The following NPAS3 variants were observed in gnomAD, a reference collection of about 807,000 sequenced individuals.
NPAS3 encodes neuronal PAS domain-containing protein 3.
A neutral mutation model predicts 73.1 loss-of-function variants in NPAS3; 14 were observed. The ratio of observed to expected loss-of-function variants is 0.19; its 90% confidence interval spans 0.13 to 0.30. The LOEUF (loss-of-function observed/expected upper bound fraction) is 0.30. Ranked by LOEUF, NPAS3 falls within the 10% of genes least tolerant of loss-of-function variation. The pLI, the probability that NPAS3 is intolerant of heterozygous loss-of-function variation, is 1.00. For missense variants in NPAS3, 1,096 were observed against 1,250.0 expected (o/e 0.88, Z 1.86); for synonymous variants, 620 against 541.5 (o/e 1.14, Z -2.01).
At chr14:33,799,280 G>T (rs2063608762) in intron 11 of NPAS3, among the ~76,000 whole-genome samples, 1 of 152,178 alleles carries the variant, frequency 6.6e-6, no homozygotes, top group Non-Finnish European at 1.5e-5. Flanking sequence ...AAGGGAAAAT[G>T]CAGACTCTTT....
At chr14:33,641,568 C>A (rs74666235) in intron 5 of NPAS3, among the ~76,000 whole-genome samples, 30,884 of 151,986 alleles carry the variant, frequency 0.2, 4,913 homozygotes, top group African/African-American at 0.45. Flanking sequence ...TTATTAACTT[C>A]ACAAGGAGAG....
At chr14:33,763,422 TG>T (rs1242698790) in intron 7 of NPAS3, among the ~76,000 whole-genome samples, 2 of 152,056 alleles carry the variant, frequency 1.3e-5, no homozygotes, top group Non-Finnish European at 2.9e-5. Context: ...TAGCAAAGAG[TG>T]TAAACTAAGA....
At chr14:33,382,537 G>A (rs909848156) in intron 4 of NPAS3, among the ~76,000 whole-genome samples, 2 of 152,070 alleles carry the variant, frequency 1.3e-5, no homozygotes, top group African/African-American at 2.4e-5. Context: ...TTTAGCTAGG[G>A]CGGGAAAAAT....
At chr14:33,367,375 T>G (rs1288151718) in intron 4 of NPAS3, 107 bp downstream of exon 4, 1 of 556,714 alleles carries the variant, frequency 1.8e-6, no homozygotes, top group African/African-American at 1.9e-5. Flanking sequence ...TATATTTGAC[T>G]GTTGTGATTT....
intron 4 of NPAS3, among the ~76,000 whole-genome samples, chr14:33,369,722 A>G (rs1159448102): frequency 6.6e-6 from 1 of 152,188 alleles, no homozygotes; most frequent in Admixed American, 6.5e-5. Context: ...GAACTACTAC[A>G]TAGTATTCTA....
chr14:33,158,319 G>A (rs2044722522), intron 2 of NPAS3, among the ~76,000 whole-genome samples: 2 of 152,150 alleles, frequency 1.3e-5, no homozygotes, highest in South Asian at 2.1e-4. Context: ...GTTTTAACAG[G>A]CCCCCCACAT....
intron 4 of NPAS3, among the ~76,000 whole-genome samples, chr14:33,382,128 TC>T (rs1402303594): frequency 6.6e-6 from 1 of 151,796 alleles, no homozygotes; most frequent in African/African-American, 2.4e-5. Flanking sequence ...AAAGTCATTT[TC>T]CCCCCAAAGA....
intron 2 of NPAS3, among the ~76,000 whole-genome samples, chr14:33,075,310 G>A (rs544354287): frequency 3.3e-5 from 5 of 152,206 alleles, no homozygotes; most frequent in Non-Finnish European, 5.9e-5. Flanking sequence ...ATCCTGAAAT[G>A]TAAGCGGATT....
intron 3 of NPAS3, among the ~76,000 whole-genome samples, chr14:33,284,896 A>G (rs1416777734): frequency 6.6e-6 from 1 of 152,100 alleles, no homozygotes; most frequent in Non-Finnish European, 1.5e-5. Flanking sequence ...ATAGAGGTGA[A>G]GTACCCCGCC....
At chr14:33,077,800 G>T (rs2041716541) in intron 2 of NPAS3, among the ~76,000 whole-genome samples, 10 of 21,928 alleles carry the variant, frequency 4.6e-4, no homozygotes, top group Non-Finnish European at 6.4e-4. Context: ...GCCCCTTTTG[G>T]CTTCAATTTA....
At chr14:33,643,112 G>A (rs960967289) in intron 5 of NPAS3, among the ~76,000 whole-genome samples, 7 of 152,092 alleles carry the variant, frequency 4.6e-5, no homozygotes, top group Admixed American at 2.6e-4. Context: ...TGCAGCCCTC[G>A]TGACTAGGAA....
chr14:33,546,399 G>A (rs528138756), intron 4 of NPAS3, among the ~76,000 whole-genome samples: 2 of 152,130 alleles, frequency 1.3e-5, no homozygotes, highest in African/African-American at 2.4e-5. Flanking sequence ...TGAATAATCC[G>A]TTCAAACTTC....
intron 4 of NPAS3, among the ~76,000 whole-genome samples, chr14:33,497,484 C>T (rs2052264182): frequency 6.6e-6 from 1 of 152,126 alleles, no homozygotes; most frequent in Non-Finnish European, 1.5e-5. Context: ...CGGCATGGTA[C>T]TGGTACCAAA....
At chr14:33,210,044 G>T (rs562161678) in intron 2 of NPAS3, among the ~76,000 whole-genome samples, 1 of 152,308 alleles carries the variant, frequency 6.6e-6, no homozygotes, top group East Asian at 1.9e-4. Context: ...TCTGTACTCT[G>T]TGGCTACCTA....
chr14:33,610,590 G>A (rs2057720121), intron 5 of NPAS3, among the ~76,000 whole-genome samples: 1 of 152,074 alleles, frequency 6.6e-6, no homozygotes, highest in African/African-American at 2.4e-5. Flanking sequence ...TTTAAAAAAT[G>A]AAACTCTTGG....
At chr14:33,667,170 T>C (rs892477580) in intron 5 of NPAS3, among the ~76,000 whole-genome samples, 18 of 151,614 alleles carry the variant, frequency 1.2e-4, no homozygotes, top group South Asian at 2.1e-4. Context: ...AACCTGGTGG[T>C]AATGTATACT....
chr14:33,484,572 C>A (rs185502851), intron 4 of NPAS3, among the ~76,000 whole-genome samples: 1 of 152,286 alleles, frequency 6.6e-6, no homozygotes, highest in African/African-American at 2.4e-5. Context: ...GAATCCCCCA[C>A]ATTTGTGAAT....
At chr14:33,126,868 T>A (rs1311566021) in intron 2 of NPAS3, among the ~76,000 whole-genome samples, 2 of 152,188 alleles carry the variant, frequency 1.3e-5, no homozygotes, top group East Asian at 3.9e-4. Context: ...ACATGTGGCT[T>A]AAGTGATTTA....
intron 5 of NPAS3, among the ~76,000 whole-genome samples, chr14:33,564,363 A>G (rs1283031535): frequency 6.6e-6 from 1 of 152,178 alleles, no homozygotes; most frequent in African/African-American, 2.4e-5. Context: ...GGAAGAGCTA[A>G]CCTGTAGATT....
Sources: allele counts gnomAD v4.1 joint callset (sites outside exome capture counted in the v4.1 genomes callset), GRCh38; gene constraint gnomAD v4.1.1; transcripts MANE v1.5; gene names NCBI Gene and HGNC (gene_info 2026-07-23, HGNC 2026-07-21).